The following KCND2 variants were observed in gnomAD, a reference collection of about 807,000 sequenced individuals.
The protein encoded by KCND2 is A-type voltage-gated potassium channel KCND2.
KCND2 carries 16 observed loss-of-function variants against 54.4 expected under a neutral mutation model. The ratio of observed to expected loss-of-function variants is 0.29; its 90% CI spans 0.20 to 0.45. The LOEUF (loss-of-function observed/expected upper bound fraction) is 0.45. Among genes scored for constraint, KCND2 ranks in the 20% least tolerant of loss-of-function variants. KCND2 has a pLI of 1.00. For synonymous variants in KCND2, 317 were observed against 310.7 expected (o/e 1.02, Z -0.21); for missense variants, 486 against 824.2 (o/e 0.59, Z 5.02).
intron 1 of KCND2, among the ~76,000 whole-genome samples, chr7:120,299,464 C>G (rs1027205636): frequency 1.3e-5 from 2 of 152,142 alleles, no homozygotes; most frequent in East Asian, 1.9e-4. Flanking sequence ...TAATAATAGT[C>G]GCTCATTTCC....
chr7:120,727,157 T>A (rs1408604779), intron 1 of KCND2, among the ~76,000 whole-genome samples: 1 of 152,156 alleles, frequency 6.6e-6, no homozygotes, highest in East Asian at 1.9e-4. Flanking sequence ...ATAGAAACTA[T>A]ATGAATAGGA....
At chr7:120,387,395 G>A (rs1462515274) in intron 1 of KCND2, among the ~76,000 whole-genome samples, 1 of 151,848 alleles carries the variant, frequency 6.6e-6, no homozygotes, top group African/African-American at 2.4e-5. Flanking sequence ...TAAAATTACT[G>A]TTTTTAAAAA....
At chr7:120,610,163 C>A (rs890308383) in intron 1 of KCND2, among the ~76,000 whole-genome samples, 1 of 152,042 alleles carries the variant, frequency 6.6e-6, no homozygotes, top group Non-Finnish European at 1.5e-5. Flanking sequence ...TTTTATTGCC[C>A]TTAACTTGAA....
intron 1 of KCND2, among the ~76,000 whole-genome samples, chr7:120,343,085 A>T (rs1800265495): frequency 6.6e-6 from 1 of 152,166 alleles, no homozygotes; most frequent in Non-Finnish European, 1.5e-5. Flanking sequence ...ACAAAGAAGG[A>T]GGATGCATAA....
intron 4 of KCND2, among the ~76,000 whole-genome samples, chr7:120,744,343 A>G (rs1045185714): frequency 3.9e-5 from 6 of 151,978 alleles, no homozygotes; most frequent in African/African-American, 1.4e-4. Context: ...GGCTTTTTTT[A>G]AAATCAAAAA....
intron 1 of KCND2, among the ~76,000 whole-genome samples, chr7:120,498,057 AAG>A (rs1190777349): frequency 1.3e-5 from 2 of 152,228 alleles, no homozygotes; most frequent in East Asian, 3.9e-4. Context: ...TGTCACTTAA[AAG>A]AGATATCCAT....
intron 1 of KCND2, among the ~76,000 whole-genome samples, chr7:120,298,285 G>A (rs558043623): frequency 1.3e-5 from 2 of 152,244 alleles, no homozygotes; most frequent in South Asian, 4.1e-4. Flanking sequence ...ATGGTAAACA[G>A]TCACCAAAAG....
At chr7:120,367,988 T>C (rs1800711524) in intron 1 of KCND2, among the ~76,000 whole-genome samples, 4 of 152,104 alleles carry the variant, frequency 2.6e-5, no homozygotes, top group Admixed American at 2.6e-4. Flanking sequence ...TTTTATTTGA[T>C]ACTAATTCAG....
chr7:120,361,395 CT>C (rs1800590692), intron 1 of KCND2, among the ~76,000 whole-genome samples: 2 of 151,524 alleles, frequency 1.3e-5, no homozygotes, highest in East Asian at 1.9e-4. Flanking sequence ...CGCTCTCTCT[CT>C]CTCTTTTTTT....
chr7:120,504,943 C>T (rs1802992515), intron 1 of KCND2, among the ~76,000 whole-genome samples: 2 of 151,466 alleles, frequency 1.3e-5, no homozygotes, highest in African/African-American at 4.8e-5. Context: ...GGATAAGACA[C>T]TTAGAAATAT....
intron 1 of KCND2, among the ~76,000 whole-genome samples, chr7:120,284,442 A>G (rs560580565): frequency 6.6e-6 from 1 of 152,282 alleles, no homozygotes; most frequent in East Asian, 1.9e-4. Context: ...AGCACATTCA[A>G]ACTTATGAAA....
intron 1 of KCND2, among the ~76,000 whole-genome samples, chr7:120,550,446 A>T (rs1323664668): frequency 6.6e-6 from 1 of 152,188 alleles, no homozygotes; most frequent in Non-Finnish European, 1.5e-5. Context: ...GCTTTAAATA[A>T]GGAGACCCAC....
intron 1 of KCND2, among the ~76,000 whole-genome samples, chr7:120,694,188 A>G (rs1395341767): frequency 3.9e-5 from 6 of 152,184 alleles, no homozygotes; most frequent in East Asian, 3.8e-4. Context: ...GCTTCCTGCA[A>G]TAATTGTCTT....
chr7:120,349,917 T>C (rs1340902339), intron 1 of KCND2, among the ~76,000 whole-genome samples: 2 of 152,140 alleles, frequency 1.3e-5, no homozygotes. Context: ...TTAGTATCTT[T>C]TAAGTTCCTT....
intron 1 of KCND2, among the ~76,000 whole-genome samples, chr7:120,542,664 A>G (rs529997474): frequency 1.3e-5 from 2 of 152,238 alleles, no homozygotes; most frequent in East Asian, 1.9e-4. Context: ...CAGGGAACCA[A>G]TTGAATTCTT....
chr7:120,442,900 T>C (rs1449162481), intron 1 of KCND2, among the ~76,000 whole-genome samples: 7 of 151,974 alleles, frequency 4.6e-5, no homozygotes, highest in Non-Finnish European at 1.0e-4. Flanking sequence ...AAAGAAGAAA[T>C]TTAAGATCTA....
At chr7:120,572,708 G>A (rs967709010) in intron 1 of KCND2, among the ~76,000 whole-genome samples, 22 of 152,036 alleles carry the variant, frequency 1.4e-4, no homozygotes, top group Admixed American at 1.4e-3. Flanking sequence ...ATTAGAGACG[G>A]GGTTTCATCA....
chr7:120,563,226 T>C (rs1201449002), intron 1 of KCND2, among the ~76,000 whole-genome samples: 1 of 152,138 alleles, frequency 6.6e-6, no homozygotes, highest in Non-Finnish European at 1.5e-5. Context: ...TTATAAAGAA[T>C]ATGCACATTG....
chr7:120,348,951 G>A (rs1192981778), intron 1 of KCND2, among the ~76,000 whole-genome samples: 1 of 151,828 alleles, frequency 6.6e-6, no homozygotes. Flanking sequence ...TTACCTAGGG[G>A]GCTCATAATA....
Sources: gnomAD v4.1 joint callset for allele counts (sites outside exome capture counted in the v4.1 genomes callset) on GRCh38, gnomAD v4.1.1 for gene constraint, MANE v1.5 for transcripts, NCBI Gene and HGNC (gene_info 2026-07-23, HGNC 2026-07-21) for gene names.